RALGPS2: variants seen among roughly 807,000 people sequenced by gnomAD.
RALGPS2 encodes Ral GEF with PH domain and SH3 binding motif 2.
A neutral mutation model predicts 86.8 loss-of-function variants in RALGPS2; 43 were observed. That is an observed-to-expected ratio of 0.50 (90% CI 0.39 to 0.64). RALGPS2 has a LOEUF of 0.64. RALGPS2 is among the 30% of genes least tolerant of loss of function. The pLI is 0.00. For synonymous variants in RALGPS2, 243 were observed against 231.3 expected, an observed-to-expected ratio of 1.05 and a Z score of -0.46; for missense variants, 536 against 694.6, an observed-to-expected ratio of 0.77 and a Z score of 2.57.
chr1:178,814,209 A>G (rs1197654478), intron 6 of RALGPS2, among the ~76,000 whole-genome samples: 2 of 152,336 alleles, frequency 1.3e-5, no homozygotes, highest in African/African-American at 2.4e-5. Flanking sequence ...TTGTACTTTC[A>G]TAACTCAGCA....
At chr1:178,847,604 A>G (rs1370619066) in intron 8 of RALGPS2, among the ~76,000 whole-genome samples, 1 of 152,202 alleles carries the variant, frequency 6.6e-6, no homozygotes, top group Non-Finnish European at 1.5e-5. Flanking sequence ...TTAGGGTATA[A>G]TAATCTTTAA....
chr1:178,889,818 A>G lies in RALGPS2; in HGVS notation c.1247+122A>G, dbSNP rs1659646315. ...CTAAGCGATTAAGTTTTCTACTGGTAAAAGAAATTAGAAGTTGATATTTAA... is the reference window on the plus strand; with the variant it reads ...CTAAGCGATTAAGTTTTCTACTGGTGAAAGAAATTAGAAGTTGATATTTAA... On this transcript the variant is annotated intron_variant, in intron 14 of 19. Transcript: ENST00000367635. 5.1e-5 allele frequency: 30 copies of G among 582,938 alleles called. No individual in the cohort carries two copies. In the South Asian group the frequency reaches 8.4e-4, roughly 16 times the overall value. 36.1% of individuals were successfully genotyped at this position (582,938 alleles called of 1,614,324 possible).
At chr1:178,799,134 G>A (rs146852940) in intron 4 of RALGPS2, among the ~76,000 whole-genome samples, 3 of 152,174 alleles carry the variant, frequency 2.0e-5, no homozygotes, top group East Asian at 1.9e-4. Flanking sequence ...CCACCTCCTG[G>A]GTTCAAGTGA....
chr1:178,769,159 C>G (rs1652659319), intron 1 of RALGPS2, among the ~76,000 whole-genome samples: 2 of 151,894 alleles, frequency 1.3e-5, no homozygotes, highest in African/African-American at 4.8e-5. Flanking sequence ...GGCCATAGAG[C>G]AGAGAGGCCC....
At chr1:178,836,987 C>A (rs1184529174) in intron 8 of RALGPS2, among the ~76,000 whole-genome samples, 1 of 152,054 alleles carries the variant, frequency 6.6e-6, no homozygotes, top group Admixed American at 6.6e-5. Flanking sequence ...CGCCATGTTG[C>A]CCAGGCTGAT....
In RALGPS2 at chr1:178,881,433, C is replaced by T. The variant is rs555453177; in HGVS notation, c.837-2033C>T. Among the ~76,000 whole-genome samples the T allele has an allele frequency of 1.7e-4, 26 of 152,074 alleles. No individual in the cohort carries two copies. The South Asian group carries it at 4.0e-3, about 23-fold the overall frequency. ...CATTTGGTGTTATTGGGACATCATA[C>T]GGCACTAGAGAAGACATTGTTTTTC... is the stretch of plus-strand genomic sequence containing the variant. On this transcript the variant is annotated intron_variant, in intron 10 of 19. Transcript: ENST00000367635.
intron 13 of RALGPS2, among the ~76,000 whole-genome samples, chr1:178,888,046 C>T (rs572828127): frequency 6.6e-6 from 1 of 152,142 alleles, no homozygotes; most frequent in East Asian, 1.9e-4. Flanking sequence ...CATGGATGTC[C>T]TTTTGGCTAC....
At chr1:178,816,014 C>T (rs979504353) in intron 6 of RALGPS2, among the ~76,000 whole-genome samples, 1 of 152,066 alleles carries the variant, frequency 6.6e-6, no homozygotes, top group African/African-American at 2.4e-5. Flanking sequence ...TTTACTTTGG[C>T]TTTTATGAAT....
chr1:178,742,132 C>CAAAA (rs34861793), intron 1 of RALGPS2, among the ~76,000 whole-genome samples: 5 of 82,622 alleles, frequency 6.1e-5, no homozygotes, highest in Middle Eastern at 7.0e-3. Flanking sequence ...AAGATTCCGT[C>CAAAA]AAAAAAAAAA....
chr1:178,807,906 A>T (rs1319658098), intron 4 of RALGPS2, 139 bp from the exon 5 acceptor site: 9 of 682,706 alleles, frequency 1.3e-5, no homozygotes, highest in Non-Finnish European at 2.4e-5. Context: ...AACTGAATGG[A>T]TATAATATTA....
chr1:178,856,198 G>GATATATATATATATATAT (rs1232946834), intron 8 of RALGPS2, among the ~76,000 whole-genome samples: 14 of 47,262 alleles, frequency 3.0e-4, no homozygotes, highest in African/African-American at 8.1e-4. Flanking sequence ...TCCAGAGAGA[G>GATATATATATATATATAT]AGAGATATAT....
intron 18 of RALGPS2, 65 bp downstream of exon 18, chr1:178,902,276 ATG>A (rs541457483): frequency 4.0e-5 from 50 of 1,246,080 alleles, no homozygotes; most frequent in Non-Finnish European, 4.7e-5. Flanking sequence ...GTATGTATGT[ATG>A]TGTGTGTGTA....
At chr1:178,903,663 A>G (rs1660272360) in intron 18 of RALGPS2, among the ~76,000 whole-genome samples, 1 of 152,162 alleles carries the variant, frequency 6.6e-6, no homozygotes. Context: ...TATCCAGGTC[A>G]CTGCAAATGC....
At chr1:178,859,409 T>A (rs1657807025) in intron 8 of RALGPS2, among the ~76,000 whole-genome samples, 1 of 147,036 alleles carries the variant, frequency 6.8e-6, no homozygotes, top group Non-Finnish European at 1.5e-5. Flanking sequence ...AACTTTTTTT[T>A]TTTTTTTTTT....
chr1:178,910,583 GAACC>G (rs1660581411), intron 19 of RALGPS2, among the ~76,000 whole-genome samples: 1 of 152,154 alleles, frequency 6.6e-6, no homozygotes, highest in Non-Finnish European at 1.5e-5. Context: ...TGCATCTGGT[GAACC>G]AACCTTGCAT....
At chr1:178,773,808 A>G (rs1652930050) in intron 1 of RALGPS2, among the ~76,000 whole-genome samples, 1 of 152,164 alleles carries the variant, frequency 6.6e-6, no homozygotes, top group Non-Finnish European at 1.5e-5. Flanking sequence ...AAAAAAAAAA[A>G]ATACTATTGA....
chr1:178,835,254 C>T lies in RALGPS2; in HGVS notation c.607+1704C>T, dbSNP rs114823293. Among the ~76,000 whole-genome samples the T allele has an allele frequency of 5.9e-3, 905 of 152,296 alleles. 15 individuals carry two copies. The highest frequency in any genetic ancestry group is 0.021 in the African/African-American group (877 of 41,546). Reference sequence around the variant, plus strand: ...TTGGCAATCCTCAATTCCACAATGACTCTACAGTCCTTATTTTTCAAGTCA... The same window carrying T: ...TTGGCAATCCTCAATTCCACAATGATTCTACAGTCCTTATTTTTCAAGTCA... On this transcript the variant is annotated intron_variant, in intron 8 of 19. Coordinates refer to ENST00000367635, the MANE Select transcript of RALGPS2 (RefSeq NM_152663.5).
intron 10 of RALGPS2, 58 bp downstream of exon 10, chr1:178,879,050 T>C (rs1659117136): frequency 6.3e-7 from 1 of 1,575,082 alleles, no homozygotes; most frequent in South Asian, 1.2e-5. Context: ...CACCTTTCTA[T>C]CCCTATGTAT....
intron 4 of RALGPS2, among the ~76,000 whole-genome samples, chr1:178,796,328 T>C (rs1654188407): frequency 6.6e-6 from 1 of 152,160 alleles, no homozygotes. Flanking sequence ...AAAGTTTATA[T>C]TGTGGGTTAA....
Sources: gnomAD v4.1 joint callset for allele counts (sites outside exome capture counted in the v4.1 genomes callset) on GRCh38, gnomAD v4.1.1 for gene constraint, MANE v1.5 for transcripts, NCBI Gene and HGNC (gene_info 2026-07-23, HGNC 2026-07-21) for gene names.